SGPP2: variants seen among roughly 807,000 people sequenced by gnomAD.
The protein encoded by SGPP2 is sphingosine 1-phosphate phosphohydrolase 2.
A neutral mutation model predicts 33.9 loss-of-function variants in SGPP2; 30 were observed. The observed-to-expected ratio is 0.89, with a 90% confidence interval of 0.66 to 1.20. The LOEUF is 1.20. Ranked by LOEUF, SGPP2 falls within the 50% of genes most tolerant of loss-of-function variation. The pLI is 0.00. For synonymous variants in SGPP2, 233 were observed against 225.0 expected (o/e 1.04, Z -0.32); for missense variants, 458 against 532.1 (o/e 0.86, Z 1.37).
chr2:222,474,550 C>T lies in SGPP2; in HGVS notation c.220-18C>T, dbSNP rs1329648428. The T allele has an allele frequency of 6.2e-7, 1 of 1,610,844 alleles. No individual in the cohort carries two copies. Among genetic ancestry groups the T allele is most frequent in the Non-Finnish European group, 8.5e-7 (1 of 1,178,206 alleles). ...ATATTGCATGAACTCACAGAGTCTT[C>T]TAACTTTTGTCTTTTAGGCTTATGT... On this transcript the variant is annotated intron_variant, in intron 1 of 4. Transcript: ENST00000321276.
rs552262598 is a variant in SGPP2 at position 222,445,146 on chromosome 2, T to TTGC, written c.219+20337_219+20339dup. 3.4e-3 allele frequency among the ~76,000 whole-genome samples: 515 copies of TTGC among 152,288 alleles called. 1 individual carries two copies. Among genetic ancestry groups the TTGC allele is most frequent in the Non-Finnish European group, 5.3e-3 (362 of 68,010 alleles). Reference sequence around the variant, plus strand: ...TGTGTAAGGTGAAGATAGTAACTAATTGCTGCTGCTGCTGGAACCTGGCCT... The same window carrying TTGC: ...TGTGTAAGGTGAAGATAGTAACTAATTGCTGCTGCTGCTGCTGGAACCTGGCCT... On this transcript the variant is annotated intron_variant, in intron 1 of 4. Transcript: ENST00000321276.
At chr2:222,481,058 C>T (rs1278979225) in intron 2 of SGPP2, among the ~76,000 whole-genome samples, 2 of 152,094 alleles carry the variant, frequency 1.3e-5, no homozygotes, top group Non-Finnish European at 2.9e-5. Flanking sequence ...CACACAGACA[C>T]GTGAGGGGGA....
At chr2:222,547,682 C>T (rs1255761590) in intron 4 of SGPP2, among the ~76,000 whole-genome samples, 1 of 152,050 alleles carries the variant, frequency 6.6e-6, no homozygotes, top group Non-Finnish European at 1.5e-5. Flanking sequence ...AGCAAACCAG[C>T]ACCATTTAAA....
At chr2:222,539,883 A>G (rs1443443749) in intron 4 of SGPP2, among the ~76,000 whole-genome samples, 3 of 152,172 alleles carry the variant, frequency 2.0e-5, no homozygotes, top group Admixed American at 1.3e-4. Context: ...TTCCGGTGTC[A>G]TCTAGTTACT....
At chr2:222,499,893 C>G (rs1698340538) in intron 2 of SGPP2, among the ~76,000 whole-genome samples, 1 of 152,060 alleles carries the variant, frequency 6.6e-6, no homozygotes, top group South Asian at 2.1e-4. Context: ...GCAGAAGGGC[C>G]CAAAGAGTCA....
chr2:222,499,603 G>A (rs750781751), intron 2 of SGPP2, among the ~76,000 whole-genome samples: 9 of 151,996 alleles, frequency 5.9e-5, no homozygotes, highest in Non-Finnish European at 1.0e-4. Context: ...GACGTGTTGG[G>A]GGAAACACAA....
intron 4 of SGPP2, among the ~76,000 whole-genome samples, chr2:222,548,504 A>G (rs565845806): frequency 1.4e-4 from 22 of 152,116 alleles, no homozygotes; most frequent in Non-Finnish European, 2.8e-4. Flanking sequence ...TTAGTTCTAG[A>G]CTTGTAACAA....
At chr2:222,457,668 G>A (rs1697592599) in intron 1 of SGPP2, among the ~76,000 whole-genome samples, 1 of 152,196 alleles carries the variant, frequency 6.6e-6, no homozygotes, top group South Asian at 2.1e-4. Flanking sequence ...TAAAAAGTAG[G>A]AAAGTAAGGG....
intron 2 of SGPP2, among the ~76,000 whole-genome samples, chr2:222,492,501 A>T (rs560994728): frequency 6.6e-6 from 1 of 152,324 alleles, no homozygotes; most frequent in East Asian, 1.9e-4. Context: ...GCGGGGACAC[A>T]GGGCACCAAA....
chr2:222,545,950 T>C (rs1689187762), intron 4 of SGPP2, among the ~76,000 whole-genome samples: 1 of 152,210 alleles, frequency 6.6e-6, no homozygotes, highest in Admixed American at 6.5e-5. Flanking sequence ...GCACGCTGAT[T>C]GGATACAGCG....
chr2:222,508,221 A>G (rs768612162), intron 2 of SGPP2, among the ~76,000 whole-genome samples: 6 of 152,220 alleles, frequency 3.9e-5, no homozygotes, highest in Non-Finnish European at 5.9e-5. Flanking sequence ...TTAAGATAAT[A>G]GAGTTTGGGT....
At chr2:222,435,029 T>TCACACACACACACAC (rs1697217016) in intron 1 of SGPP2, among the ~76,000 whole-genome samples, 1 of 24,744 alleles carries the variant, frequency 4.0e-5, no homozygotes, top group African/African-American at 1.3e-4. Context: ...TATATGTGTG[T>TCACACACACACACAC]ATATATATGT....
chr2:222,558,135 C>T (rs77643803), intron 4 of SGPP2, among the ~76,000 whole-genome samples: 4,549 of 152,210 alleles, frequency 0.03, 113 homozygotes, highest in African/African-American at 0.07. Context: ...AAAGAAGATA[C>T]GTAACATGAG....
At chr2:222,470,619 A>AGGATTAAGATATTGAACGT (rs138579673) in intron 1 of SGPP2, among the ~76,000 whole-genome samples, 5,217 of 152,254 alleles carry the variant, frequency 0.034, 280 homozygotes, top group African/African-American at 0.11. Flanking sequence ...ATTGTTTACT[A>AGGATTAAGATATTGAACGT]GGTCTCAGGT....
At chr2:222,424,522 G>A (rs1161655775), upstream of SGPP2, 13 of 1,006,686 alleles carry the variant, frequency 1.3e-5, no homozygotes, top group Non-Finnish European at 1.4e-5. Context: ...GGATCGGCGG[G>A]GGCGAGGCGG....
rs183567790 is a variant in SGPP2 at position 222,426,820 on chromosome 2, T to G, written c.219+1999T>G. 3.8e-3 allele frequency among the ~76,000 whole-genome samples: 584 copies of G among 152,072 alleles called. 1 individual carries two copies. Among genetic ancestry groups the G allele is most frequent in the Non-Finnish European group, 6.9e-3 (470 of 67,930 alleles). On this transcript the variant is annotated intron_variant, in intron 1 of 4. Transcript: ENST00000321276. Reference sequence around the variant, plus strand: ...CACATTGATTCCCCCCCTCAAAAATTATCTCTTATCTACACTCAGGCAATT... The same window carrying G: ...CACATTGATTCCCCCCCTCAAAAATGATCTCTTATCTACACTCAGGCAATT...
At chr2:222,483,538 C>G (rs182566296) in intron 2 of SGPP2, among the ~76,000 whole-genome samples, 1 of 152,284 alleles carries the variant, frequency 6.6e-6, no homozygotes, top group Admixed American at 6.5e-5. Context: ...ATTGGACATA[C>G]TATTTAGATA....
At chr2:222,503,654 C>T (rs1040620530) in intron 2 of SGPP2, among the ~76,000 whole-genome samples, 3 of 152,034 alleles carry the variant, frequency 2.0e-5, no homozygotes, top group Non-Finnish European at 2.9e-5. Flanking sequence ...TAACTGCACC[C>T]GCATTGTACA....
chr2:222,499,651 G>A (rs889067376), intron 2 of SGPP2, among the ~76,000 whole-genome samples: 1 of 152,124 alleles, frequency 6.6e-6, no homozygotes, highest in Non-Finnish European at 1.5e-5. Context: ...GGGGCATTGG[G>A]GGAAAGACAG....
Sources: allele counts gnomAD v4.1 joint callset (sites outside exome capture counted in the v4.1 genomes callset), GRCh38; gene constraint gnomAD v4.1.1; transcripts MANE v1.5; gene names NCBI Gene and HGNC (gene_info 2026-07-23, HGNC 2026-07-21).